ZMYND19: variants seen among roughly 807,000 people sequenced by gnomAD.
ZMYND19 encodes the protein zinc finger MYND domain-containing protein 19.
Under a neutral mutation model 32.0 loss-of-function variants are expected in ZMYND19, and 17 were observed. The observed-to-expected ratio is 0.53, with a 90% CI of 0.36 to 0.80. ZMYND19 has a LOEUF of 0.80. ZMYND19 is among the 30% of genes least tolerant of loss of function. The probability of loss-of-function intolerance (pLI) is 0.00; values close to 1 mark genes in which losing one functional copy is unlikely to be tolerated. For synonymous variants in ZMYND19, 124 were observed against 113.6 expected, an observed-to-expected ratio of 1.09 and a Z score of -0.58; for missense variants, 250 against 293.6, an observed-to-expected ratio of 0.85 and a Z score of 1.09.
chr9:137,582,304 T>A lies in ZMYND19; in HGVS notation c.*239A>T. ...AAAACTGTACATGAGTTTACAAACA[T>A]ATTAACATATAAATAATGAGAACCG... On this transcript the variant is annotated 3_prime_UTR_variant, in exon 6 of 6. Transcript: ENST00000298585. The A allele has an allele frequency of 2.0e-6, 1 of 491,484 alleles. No homozygotes were observed. The highest frequency in any genetic ancestry group is 3.4e-5 in the East Asian group (1 of 29,396). 30.4% of individuals were successfully genotyped at this position (491,484 alleles called of 1,614,324 possible).
At chr9:137,583,751 T>C (rs548897293) in intron 4 of ZMYND19, among the ~76,000 whole-genome samples, 34 of 152,158 alleles carry the variant, frequency 2.2e-4, no homozygotes, top group Non-Finnish European at 3.7e-4. Context: ...CTGAGGAGAC[T>C]TGGTTAAAAC....
intron 2 of ZMYND19, among the ~76,000 whole-genome samples, chr9:137,588,211 G>A (rs888015111): frequency 6.6e-6 from 1 of 152,230 alleles, no homozygotes; most frequent in African/African-American, 2.4e-5. Flanking sequence ...GGCAGGAATG[G>A]AAGCTGGGAA....
At chr9:137,583,291 G>C (rs1335373384) in intron 4 of ZMYND19, 128 bp from the exon 5 acceptor site, 1 of 946,128 alleles carries the variant, frequency 1.1e-6, no homozygotes, top group Admixed American at 2.2e-5. Flanking sequence ...GTCTCCTTTG[G>C]CCCATCCCTG....
chr9:137,582,773 C>A, intron 5 of ZMYND19, 87 bp from the exon 6 acceptor site: 1 of 1,550,764 alleles, frequency 6.4e-7, no homozygotes. Flanking sequence ...ATCTGACGGA[C>A]CCAGCAAAAC....
intron 4 of ZMYND19, among the ~76,000 whole-genome samples, chr9:137,584,163 G>T (rs573100915): frequency 2.6e-5 from 4 of 152,374 alleles, no homozygotes; most frequent in African/African-American, 4.8e-5. Context: ...CGGGGCCTGG[G>T]GTGCTGACCC....
At chr9:137,589,732 G>C in intron 1 of ZMYND19, 1 of 985,502 alleles carries the variant, frequency 1.0e-6, no homozygotes, top group Non-Finnish European at 1.2e-6. Flanking sequence ...AAGCCCTGCT[G>C]AGAACTGGGA....
In ZMYND19 at chr9:137,587,809, C is replaced by A. The variant is rs559829694; in HGVS notation, c.126G>T (p.Val42=). The change falls in exon 3 of 6, where the codon GTG becomes GTT. Residue 42 remains valine (V), a synonymous_variant. Coordinates refer to ENST00000298585, the MANE Select transcript of ZMYND19 (RefSeq NM_138462.3). The part of the protein sequence containing the change: ...ESYSFEARME[V]DADGNGAKIF... ...TCTTAGCACCATTTCCATCTGCATC[C>A]ACTTCCATTCGGGCCTGAGAAGGAA... is the stretch of plus-strand genomic sequence containing the variant. The A allele has an allele frequency of 1.2e-6, 2 of 1,614,102 alleles. No homozygotes were observed. The highest frequency in any genetic ancestry group is 2.2e-5 in the South Asian group (2 of 91,086).
Position 137,590,427 on chromosome 9 carries a change from TCCG to T in ZMYND19, c.-167_-165del. The stretch of plus-strand genomic sequence containing the variant: ...GACGAGGCTGGGCCGGGCTCGGGCC[TCCG>T]CCGCCGCCTCGCGCCCGCCGGACCT... On this transcript the variant is annotated 5_prime_UTR_variant, in exon 1 of 6. Transcript: ENST00000298585. This position sits in a 1 kb window ranked among gnomAD's most constrained non-coding sequence, Gnocchi z 4.2. 1 of 274,764 alleles carries T rather than the reference TCCG, an allele frequency of 3.6e-6. No homozygotes were observed. The highest frequency in any genetic ancestry group is 5.5e-6 in the Non-Finnish European group (1 of 183,360). The allele number at this position is 274,764 out of a possible 1,614,324, so 17.0% of individuals were successfully genotyped here.
intron 1 of ZMYND19, chr9:137,589,645 C>T: frequency 4.1e-6 from 4 of 985,472 alleles, no homozygotes; most frequent in Non-Finnish European, 4.8e-6. Flanking sequence ...CATCAGGGCC[C>T]AGGCTTCTTC....
chr9:137,582,532 TCCCCTG>T lies in ZMYND19; in HGVS notation c.*5_*10del, dbSNP rs772426096. 2.2e-5 allele frequency: 35 copies of T among 1,610,718 alleles called. No individual in the cohort carries two copies. The South Asian group carries it at 3.8e-4, about 18-fold the overall frequency. On this transcript the variant is annotated 3_prime_UTR_variant, in exon 6 of 6. Transcript: ENST00000298585. ...CCCGGGGGCTGTGAGTATGTGTGGCTCCCCTGCCCGTCATCGCTCTGGCTCAAGCTC... is the reference window on the plus strand; with the variant it reads ...CCCGGGGGCTGTGAGTATGTGTGGCTCCCGTCATCGCTCTGGCTCAAGCTC...
chr9:137,587,381 CT>C, intron 3 of ZMYND19: 1 of 606,966 alleles, frequency 1.6e-6, no homozygotes, highest in South Asian at 2.1e-5. Flanking sequence ...GCAAAACCAC[CT>C]AAGCAGATGG....
Position 137,582,212 on chromosome 9 carries a change from C to T in ZMYND19, c.*331G>A. 4.4e-6 allele frequency: 1 copy of T among 224,834 alleles called. No homozygotes were observed. 13.9% of individuals were successfully genotyped at this position (224,834 alleles called of 1,614,324 possible). On this transcript the variant is annotated 3_prime_UTR_variant, in exon 6 of 6. Transcript: ENST00000298585. The stretch of plus-strand genomic sequence containing the variant: ...TTAGTCACGTGGCCTGACCGTTTGC[C>T]ATTTAAGGATTACAGCAAATGATTC...
intron 4 of ZMYND19, among the ~76,000 whole-genome samples, chr9:137,585,115 C>A (rs1842189756): frequency 6.6e-6 from 1 of 152,164 alleles, no homozygotes; most frequent in South Asian, 2.1e-4. Context: ...CACCCGTAAT[C>A]CCAGCTACTC....
In ZMYND19 at chr9:137,590,475, G is replaced by GCCA. The variant is rs1842261979; in HGVS notation, c.-213_-212insTGG. The GCCA allele has an allele frequency of 6.3e-6, 1 of 158,810 alleles. No homozygotes were observed. The highest frequency in any genetic ancestry group is 1.7e-4 in the South Asian group (1 of 5,874). 9.8% of individuals were successfully genotyped at this position (158,810 alleles called of 1,614,324 possible). A position where few individuals can be genotyped will look rare whatever the true frequency, so the allele number is the denominator to read the frequency against. ...GGACCTGCCACGCGCCGCCGCCGCC[G>GCCA]CCGCCACCGCCACCGCGCGCACCAC... is the stretch of plus-strand genomic sequence containing the variant. On this transcript the variant is annotated 5_prime_UTR_variant, in exon 1 of 6. Coordinates refer to ENST00000298585, the MANE Select transcript of ZMYND19 (RefSeq NM_138462.3). This position sits in a 1 kb window ranked among gnomAD's most constrained non-coding sequence, Gnocchi z 4.2.
intron 4 of ZMYND19, among the ~76,000 whole-genome samples, chr9:137,585,623 TG>T (rs1037213105): frequency 9.9e-5 from 15 of 151,794 alleles, no homozygotes; most frequent in African/African-American, 3.1e-4. Flanking sequence ...GAGGAAGGGA[TG>T]GGGGGGGATT....
At chr9:137,586,400 G>T (rs905700326) in intron 4 of ZMYND19, among the ~76,000 whole-genome samples, 16 of 151,460 alleles carry the variant, frequency 1.1e-4, no homozygotes, top group Non-Finnish European at 1.9e-4. Context: ...ATCCTGAGGT[G>T]AGGAGAGAAG....
chr9:137,589,375 T>G, intron 1 of ZMYND19: 1 of 985,384 alleles, frequency 1.0e-6, no homozygotes, highest in Non-Finnish European at 1.2e-6. Context: ...TCTTGGCAGT[T>G]TTTCTTCTGG....
chr9:137,585,888 C>T (rs1254171648), intron 4 of ZMYND19, among the ~76,000 whole-genome samples: 1 of 152,276 alleles, frequency 6.6e-6, no homozygotes, highest in Non-Finnish European at 1.5e-5. Flanking sequence ...TTCGCACTGC[C>T]TGCACCAGGA....
At chr9:137,588,127 A>AC (rs1462839279) in intron 2 of ZMYND19, among the ~76,000 whole-genome samples, 2 of 152,148 alleles carry the variant, frequency 1.3e-5, no homozygotes, top group African/African-American at 4.8e-5. Context: ...GAGATAGAGA[A>AC]CCCCCTGGAG....
Sources: gnomAD v4.1 joint callset for allele counts (sites outside exome capture counted in the v4.1 genomes callset) on GRCh38, gnomAD v4.1.1 for gene constraint, Gnocchi (gnomAD v3.1) non-coding constraint, MANE v1.5 for transcripts, NCBI Gene and HGNC (gene_info 2026-07-23, HGNC 2026-07-21) for gene names.